CNTNAP3B: variants seen among roughly 807,000 people sequenced by gnomAD.
The protein encoded by CNTNAP3B is contactin-associated protein-like 3B.
Under a neutral mutation model 108.9 loss-of-function variants are expected in CNTNAP3B, and 25 were observed. The ratio of observed to expected loss-of-function variants is 0.23; its 90% CI spans 0.17 to 0.32. The LOEUF (loss-of-function observed/expected upper bound fraction) is 0.32. Ranked by LOEUF, CNTNAP3B falls within the 10% of genes least tolerant of loss-of-function variation. The pLI, the probability that CNTNAP3B is intolerant of heterozygous loss-of-function variation, is 1.00. For synonymous variants in CNTNAP3B, 103 were observed against 473.4 expected (o/e 0.22, Z 10.16); for missense variants, 252 against 1,210.4 (o/e 0.21, Z 11.75).
At chr9:41,952,092 T>G (rs1824706061) in intron 13 of CNTNAP3B, among the ~76,000 whole-genome samples, 1 of 152,250 alleles carries the variant, frequency 6.6e-6, no homozygotes, top group Admixed American at 6.5e-5. Flanking sequence ...GGAAATGGTC[T>G]GGCATATTCC....
chr9:42,110,133 A>G (rs1348331866), intron 1 of CNTNAP3B, among the ~76,000 whole-genome samples: 1 of 110,638 alleles, frequency 9.0e-6, no homozygotes, highest in African/African-American at 3.6e-5. Context: ...CATTTCTCAC[A>G]AGGGCCATAG....
At chr9:41,921,242 C>CAAGAT in intron 17 of CNTNAP3B, among the ~76,000 whole-genome samples, 1 of 152,292 alleles carries the variant, frequency 6.6e-6, no homozygotes, top group African/African-American at 2.4e-5. Context: ...CTTAAATAAT[C>CAAGAT]TCCAAGATTA....
At chr9:41,955,466 T>C (rs1179322651) in intron 12 of CNTNAP3B, among the ~76,000 whole-genome samples, 2 of 152,302 alleles carry the variant, frequency 1.3e-5, no homozygotes, top group Non-Finnish European at 1.5e-5. Context: ...TTTATTTCAA[T>C]TGATTATAAG....
At chr9:42,114,946 C>T (rs1476913905) in intron 1 of CNTNAP3B, among the ~76,000 whole-genome samples, 3 of 135,012 alleles carry the variant, frequency 2.2e-5, no homozygotes, top group East Asian at 2.3e-4. Context: ...CCCAGCTACT[C>T]GGGAGGCTGA....
intron 13 of CNTNAP3B, among the ~76,000 whole-genome samples, chr9:41,940,487 T>A (rs1324998280): frequency 1.3e-5 from 2 of 152,214 alleles, no homozygotes; most frequent in East Asian, 1.9e-4. Context: ...ATAAATTATA[T>A]ATCCAGAGAA....
At chr9:41,995,473 C>T (rs1251200861) in intron 7 of CNTNAP3B, among the ~76,000 whole-genome samples, 3 of 130,024 alleles carry the variant, frequency 2.3e-5, no homozygotes, top group Non-Finnish European at 1.6e-5. Flanking sequence ...AAAAAAAGTG[C>T]GCCTGTGGTC....
At chr9:41,959,483 C>T (rs1238076962) in intron 12 of CNTNAP3B, among the ~76,000 whole-genome samples, 8 of 152,300 alleles carry the variant, frequency 5.3e-5, no homozygotes, top group African/African-American at 1.7e-4. Context: ...GCCTTGATTT[C>T]CTCATCTTAA....
chr9:42,120,115 A>T (rs1346012886), intron 1 of CNTNAP3B, among the ~76,000 whole-genome samples: 1 of 150,530 alleles, frequency 6.6e-6, no homozygotes, highest in East Asian at 1.9e-4. Context: ...CAATGAACTC[A>T]AACAAATTTA....
intron 14 of CNTNAP3B, among the ~76,000 whole-genome samples, chr9:41,933,369 C>A (rs1363147009): frequency 5.3e-5 from 8 of 152,276 alleles, no homozygotes; most frequent in Admixed American, 5.2e-4. Flanking sequence ...GTCGAAATCA[C>A]CCCCGATTGA....
intron 15 of CNTNAP3B, among the ~76,000 whole-genome samples, chr9:41,928,098 T>C (rs1290727343): frequency 3.3e-5 from 5 of 152,368 alleles, no homozygotes; most frequent in Admixed American, 1.3e-4. Flanking sequence ...GTTTTTGAAA[T>C]TGAAGGATAA....
intron 14 of CNTNAP3B, among the ~76,000 whole-genome samples, chr9:41,935,011 G>T (rs1346319770): frequency 4.1e-4 from 63 of 152,154 alleles, no homozygotes; most frequent in African/African-American, 1.5e-3. Flanking sequence ...GTGGATTTTT[G>T]CAGACAGCTG....
chr9:42,088,971 C>G (rs1196946938), intron 2 of CNTNAP3B, among the ~76,000 whole-genome samples: 10 of 130,760 alleles, frequency 7.6e-5, no homozygotes, highest in Non-Finnish European at 1.3e-4. Context: ...AATCCCAGCA[C>G]TTTGGAAGGC....
intron 1 of CNTNAP3B, among the ~76,000 whole-genome samples, chr9:42,120,022 A>T (rs1431953746): frequency 3.4e-5 from 5 of 148,866 alleles, no homozygotes; most frequent in Non-Finnish European, 4.4e-5. Context: ...AGAAACTACC[A>T]TCAGAGTGAA....
At chr9:41,974,033 C>G (rs1435556016) in intron 9 of CNTNAP3B, among the ~76,000 whole-genome samples, 1 of 122,296 alleles carries the variant, frequency 8.2e-6, no homozygotes, top group Non-Finnish European at 1.7e-5. Context: ...TTAGTAGAGA[C>G]AAGGTTGCAC....
intron 10 of CNTNAP3B, among the ~76,000 whole-genome samples, chr9:41,967,593 G>A (rs1482782594): frequency 1.3e-5 from 2 of 152,304 alleles, no homozygotes; most frequent in Admixed American, 1.3e-4. Flanking sequence ...TTACAGGCCT[G>A]TTTTCAGGAT....
intron 12 of CNTNAP3B, among the ~76,000 whole-genome samples, chr9:41,959,813 C>A (rs1319436163): frequency 6.6e-6 from 1 of 152,308 alleles, no homozygotes; most frequent in Non-Finnish European, 1.5e-5. Context: ...TGGTTATTGT[C>A]CAAATTTATG....
intron 15 of CNTNAP3B, among the ~76,000 whole-genome samples, chr9:41,927,474 G>GGAAA (rs1823852946): frequency 2.9e-5 from 1 of 34,492 alleles, no homozygotes; most frequent in South Asian, 8.8e-4. Context: ...GAGGGAGTGG[G>GGAAA]GAAGGAAGGA....
At chr9:42,110,875 T>C (rs1427250811) in intron 1 of CNTNAP3B, among the ~76,000 whole-genome samples, 2 of 140,372 alleles carry the variant, frequency 1.4e-5, no homozygotes, top group East Asian at 4.3e-4. Context: ...AATTGATCTG[T>C]GCATTGCTAT....
intron 14 of CNTNAP3B, among the ~76,000 whole-genome samples, chr9:41,930,920 A>G (rs1379814749): frequency 7.2e-5 from 11 of 152,362 alleles, no homozygotes; most frequent in African/African-American, 2.6e-4. Context: ...ATATATGCAT[A>G]TATAATAAAA....
Sources: gnomAD v4.1 joint callset for allele counts (sites outside exome capture counted in the v4.1 genomes callset) on GRCh38, gnomAD v4.1.1 for gene constraint, MANE v1.5 for transcripts, NCBI Gene and HGNC (gene_info 2026-07-23, HGNC 2026-07-21) for gene names.